Variants in MRS2 observed in about 807,000 individuals in gnomAD.
MRS2 encodes magnesium transporter MRS2.
MRS2 carries 40 observed loss-of-function variants against 52.6 expected under a neutral mutation model. The ratio of observed to expected loss-of-function variants is 0.76; its 90% CI spans 0.59 to 0.99. The LOEUF (loss-of-function observed/expected upper bound fraction) is 0.99, where lower values mean the gene tolerates loss of function less well. Among genes scored for constraint, MRS2 ranks in the 50% least tolerant of loss-of-function variants. MRS2 has a pLI of 0.00. For missense variants in MRS2, 472 were observed against 532.7 expected, an observed-to-expected ratio of 0.89 and a Z score of 1.12; for synonymous variants, 193 against 195.9, an observed-to-expected ratio of 0.98 and a Z score of 0.13.
At chr6:24,407,324 T>C (rs557306967) in intron 2 of MRS2, among the ~76,000 whole-genome samples, 1 of 152,050 alleles carries the variant, frequency 6.6e-6, no homozygotes, top group Admixed American at 6.5e-5. Flanking sequence ...GGAACTTATA[T>C]ATTCATATTA....
chr6:24,413,669 C>T (rs142066154), intron 5 of MRS2, among the ~76,000 whole-genome samples: 17 of 150,958 alleles, frequency 1.1e-4, no homozygotes, highest in African/African-American at 4.1e-4. Flanking sequence ...AACCCGGAAG[C>T]AGTTCCTCTG....
chr6:24,408,266 G>A (rs147366866), intron 2 of MRS2, 142 bp from the exon 3 acceptor site: 1 of 590,326 alleles, frequency 1.7e-6, no homozygotes, highest in Non-Finnish European at 3.1e-6. Context: ...ATCTAAAGAA[G>A]GTCAGTAATG....
Position 24,418,126 on chromosome 6 carries a change from G to T in MRS2, c.879G>T (p.Glu293Asp). Residue 293 changes from glutamate (E) to aspartate (D), a missense_variant, in exon 8 of 11, where the codon GAG becomes GAT. Coordinates refer to ENST00000378386, the MANE Select transcript of MRS2 (RefSeq NM_020662.4). ...GGATTGACCATGCAGAAGAGATGGAGTTGCTGTTGGAAAACTACTACCGAT... is the reference window on the plus strand; with the variant it reads ...GGATTGACCATGCAGAAGAGATGGATTTGCTGTTGGAAAACTACTACCGAT... Reference protein sequence around the residue: ...SAGIDHAEEMELLLENYYRLA... With the variant: ...SAGIDHAEEMDLLLENYYRLA... 1.2e-6 allele frequency: 2 copies of T among 1,613,708 alleles called. No individual in the cohort carries two copies. Among genetic ancestry groups the T allele is most frequent in the Non-Finnish European group, 1.7e-6 (2 of 1,179,806 alleles).
In MRS2 at chr6:24,402,965, A is replaced by G; in HGVS notation, c.-82A>G. The G allele has an allele frequency of 7.6e-7, 1 of 1,321,024 alleles. No homozygotes were observed. The allele number at this position is 1,321,024 out of a possible 1,614,324, so 81.8% of individuals were successfully genotyped here. On this transcript the variant is annotated 5_prime_UTR_variant, in exon 1 of 11. Coordinates refer to ENST00000378386, the MANE Select transcript of MRS2 (RefSeq NM_020662.4). Reference sequence around the variant, plus strand: ...AGTCTGCAGGTCGGGCGGTAGCGACAGGTCAGAGCTGCGGCCTGAGCAGCC... The same window carrying G: ...AGTCTGCAGGTCGGGCGGTAGCGACGGGTCAGAGCTGCGGCCTGAGCAGCC...
rs991723066 is a variant in MRS2 at position 24,402,939 on chromosome 6, G to C, written c.-108G>C. 2.8e-6 allele frequency: 3 copies of C among 1,066,384 alleles called. No homozygotes were observed. The highest frequency in any genetic ancestry group is 2.6e-5 in the East Asian group (1 of 38,958). The allele number at this position is 1,066,384 out of a possible 1,614,324, so 66.1% of individuals were successfully genotyped here. ...ACGCCCCGCGCATGCCTGGTGCACA[G>C]AGTCTGCAGGTCGGGCGGTAGCGAC... is the stretch of plus-strand genomic sequence containing the variant. On this transcript the variant is annotated 5_prime_UTR_variant, in exon 1 of 11. Coordinates refer to ENST00000378386, the MANE Select transcript of MRS2 (RefSeq NM_020662.4).
At chr6:24,407,610 C>G (rs1360095631) in intron 2 of MRS2, among the ~76,000 whole-genome samples, 1 of 152,138 alleles carries the variant, frequency 6.6e-6, no homozygotes. Flanking sequence ...GGTGCATTTT[C>G]TGTATCAAAT....
At chr6:24,411,200 AAAG>A (rs1761637929) in intron 4 of MRS2, among the ~76,000 whole-genome samples, 1 of 152,108 alleles carries the variant, frequency 6.6e-6, no homozygotes, top group Admixed American at 6.5e-5. Flanking sequence ...CAAAAAAAAA[AAAG>A]AAAAAAAAAT....
rs769196858 is a variant in MRS2, at chr6:24,415,176, G to A, written c.719+13G>A. 1.3e-6 allele frequency: 2 copies of A among 1,545,704 alleles called. No individual in the cohort carries two copies. Among genetic ancestry groups the A allele is most frequent in the East Asian group, 4.6e-5 (2 of 43,678 alleles). On this transcript the variant is annotated intron_variant, in intron 6 of 10. Transcript: ENST00000378386. Reference sequence around the variant, plus strand: ...AGAATGGCAAAAGGTAAATATGGATGATGTATCACATTGGGAGTTGGAGAC... The same window carrying A: ...AGAATGGCAAAAGGTAAATATGGATAATGTATCACATTGGGAGTTGGAGAC...
rs1011724087 is a variant in MRS2 at position 24,418,351 on chromosome 6, T to C, written c.990-110T>C. The stretch of plus-strand genomic sequence containing the variant: ...CATTATCATCTATACTACATTATTA[T>C]TATTTTTTTTGTTGTGTAGGTTTCA... On this transcript the variant is annotated intron_variant, in intron 8 of 10. Coordinates refer to ENST00000378386, the MANE Select transcript of MRS2 (RefSeq NM_020662.4). 1.7e-5 allele frequency: 24 copies of C among 1,396,956 alleles called. No individual in the cohort carries two copies. In the African/African-American group the frequency reaches 3.0e-4, roughly 18 times the overall value. 86.5% of individuals were successfully genotyped at this position (1,396,956 alleles called of 1,614,324 possible).
chr6:24,415,675 A>C (rs1353532261), intron 6 of MRS2, among the ~76,000 whole-genome samples: 1 of 152,232 alleles, frequency 6.6e-6, no homozygotes, highest in Non-Finnish European at 1.5e-5. Flanking sequence ...TTTATCAGTT[A>C]AGAGTAACTA....
intron 4 of MRS2, among the ~76,000 whole-genome samples, 174 bp downstream of exon 4, chr6:24,409,747 G>T (rs1204990108): frequency 6.6e-6 from 1 of 152,114 alleles, no homozygotes; most frequent in Non-Finnish European, 1.5e-5. Context: ...ATTTTATATG[G>T]ATTATATGCA....
chr6:24,411,648 C>T (rs534245011), intron 4 of MRS2, among the ~76,000 whole-genome samples: 3 of 152,190 alleles, frequency 2.0e-5, no homozygotes, highest in Non-Finnish European at 2.9e-5. Flanking sequence ...AAGCGATTCT[C>T]CTGCCTCAGC....
chr6:24,415,351 T>C (rs1218801308), intron 6 of MRS2, among the ~76,000 whole-genome samples, 188 bp downstream of exon 6: 4 of 152,230 alleles, frequency 2.6e-5, no homozygotes, highest in Non-Finnish European at 4.4e-5. Context: ...AAGGCTCTTT[T>C]CCGTATGTGA....
chr6:24,416,438 C>A lies in MRS2; in HGVS notation c.761C>A (p.Ser254Ter). The A allele has an allele frequency of 6.3e-7, 1 of 1,597,998 alleles. No individual in the cohort carries two copies. The change falls in exon 7 of 11, where the codon TCA becomes TAA. Residue 254 changes from serine to a stop codon, truncating the protein, a stop_gained. Coordinates refer to ENST00000378386, the MANE Select transcript of MRS2 (RefSeq NM_020662.4). LOFTEE classifies it high-confidence loss of function. ...ACAGATATTAAAATTTTCAAAGAGT[C>A]AATTTTGGAGATCTTGGATGAGGAA... ...LETDIKIFKE[S>*]ILEILDEEEL...
intron 2 of MRS2, among the ~76,000 whole-genome samples, chr6:24,406,662 C>T (rs1031135615): frequency 6.6e-6 from 1 of 152,170 alleles, no homozygotes; most frequent in Non-Finnish European, 1.5e-5. Flanking sequence ...GTAGTCCCAG[C>T]TACTCAGGAG....
intron 10 of MRS2, 137 bp from the exon 11 acceptor site, chr6:24,423,447 G>A (rs1054868): frequency 0.14 from 70,804 of 496,176 alleles, 5,964 homozygotes; most frequent in Middle Eastern, 0.16. Flanking sequence ...CTTGAAGATG[G>A]CACCACTGGA....
intron 9 of MRS2, among the ~76,000 whole-genome samples, chr6:24,421,241 T>C (rs1762032120): frequency 6.6e-6 from 1 of 152,360 alleles, no homozygotes; most frequent in East Asian, 1.9e-4. Flanking sequence ...CAAATTCCTT[T>C]CTTATAGTTT....
Position 24,424,720 on chromosome 6 carries a change from G to A in MRS2, c.*1026G>A, listed in dbSNP as rs1002522718. On this transcript the variant is annotated 3_prime_UTR_variant, in exon 11 of 11. Transcript: ENST00000378386. ...CATTTGTTAAGCCTCCCAAAGTAGTGTGCATGGAAGATTCTAGAGTGTCCA... is the reference window on the plus strand; with the variant it reads ...CATTTGTTAAGCCTCCCAAAGTAGTATGCATGGAAGATTCTAGAGTGTCCA... 2 of 152,194 alleles carry A rather than the reference G, an allele frequency of 1.3e-5. No homozygotes were observed. The highest frequency in any genetic ancestry group is 2.4e-5 in the African/African-American group (1 of 41,446). The allele number at this position is 152,194 out of a possible 1,614,324, so 9.4% of individuals were successfully genotyped here. A position where few individuals can be genotyped will look rare whatever the true frequency, so the allele number is the denominator to read the frequency against.
Position 24,418,122 on chromosome 6 carries a change from T to C in MRS2, c.875T>C (p.Met292Thr). 6.2e-7 allele frequency: 1 copy of C among 1,613,638 alleles called. No individual in the cohort carries two copies. The highest frequency in any genetic ancestry group is 2.2e-5 in the East Asian group (1 of 44,878). ...SSAGIDHAEEMELLLENYYRL... is the reference protein window; with the variant it reads ...SSAGIDHAEETELLLENYYRL... The stretch of plus-strand genomic sequence containing the variant: ...GCTGGGATTGACCATGCAGAAGAGA[T>C]GGAGTTGCTGTTGGAAAACTACTAC... The change falls in exon 8 of 11, where the codon ATG becomes ACG. Residue 292 changes from methionine to threonine, a missense_variant. Physicochemically the swap from Met to Thr is moderately conservative, Grantham distance 81. Coordinates refer to ENST00000378386, the MANE Select transcript of MRS2 (RefSeq NM_020662.4).
Sources: gnomAD v4.1 joint callset for allele counts (sites outside exome capture counted in the v4.1 genomes callset) on GRCh38, gnomAD v4.1.1 for gene constraint, MANE v1.5 for transcripts, NCBI Gene and HGNC (gene_info 2026-07-23, HGNC 2026-07-21) for gene names.